ABTB3: variants seen among roughly 807,000 people sequenced by gnomAD.
ABTB3 encodes the protein ankyrin repeat and BTB domain containing 3.
the ABTB3 span, among the ~76,000 whole-genome samples, chr12:107,412,864 T>C: frequency 6.6e-6 from 1 of 152,092 alleles, no homozygotes; most frequent in Non-Finnish European, 1.5e-5. Flanking sequence ...ATCAGGATCA[T>C]GTGAAGGACC....
chr12:107,492,727 C>A, the ABTB3 span, among the ~76,000 whole-genome samples: 1 of 152,076 alleles, frequency 6.6e-6, no homozygotes, highest in South Asian at 2.1e-4. Flanking sequence ...GCCAAATCAA[C>A]CACATTTAAC....
chr12:107,585,024 A>G, the ABTB3 span, among the ~76,000 whole-genome samples: 1 of 152,032 alleles, frequency 6.6e-6, no homozygotes. Flanking sequence ...AGGGAAGAAA[A>G]GAGCAATTAA....
At chr12:107,503,772 AAAGAAG>A in the ABTB3 span, among the ~76,000 whole-genome samples, 7 of 148,188 alleles carry the variant, frequency 4.7e-5, no homozygotes, top group Non-Finnish European at 8.9e-5. Flanking sequence ...AAAAAAAAAA[AAAGAAG>A]AAGAAGAAGA....
chr12:107,339,881 A>C, the ABTB3 span, among the ~76,000 whole-genome samples: 2 of 152,172 alleles, frequency 1.3e-5, no homozygotes, highest in African/African-American at 4.8e-5. Context: ...ATCCCATGTC[A>C]CACTCAAACA....
chr12:107,421,374 C>G, the ABTB3 span, among the ~76,000 whole-genome samples: 1 of 152,170 alleles, frequency 6.6e-6, no homozygotes, highest in Non-Finnish European at 1.5e-5. Context: ...TGGGACCTTC[C>G]ACAGCTGAGA....
At chr12:107,421,911 G>T in the ABTB3 span, among the ~76,000 whole-genome samples, 1 of 152,174 alleles carries the variant, frequency 6.6e-6, no homozygotes, top group Non-Finnish European at 1.5e-5. Context: ...CCTATGGTGT[G>T]CCCGGCACTC....
At chr12:107,390,289 A>G in the ABTB3 span, among the ~76,000 whole-genome samples, 1 of 152,216 alleles carries the variant, frequency 6.6e-6, no homozygotes, top group African/African-American at 2.4e-5. Flanking sequence ...CCTAGGAGGT[A>G]GATATTATTA....
chr12:107,540,486 C>T, the ABTB3 span, among the ~76,000 whole-genome samples: 9 of 152,196 alleles, frequency 5.9e-5, no homozygotes, highest in Admixed American at 2.6e-4. Flanking sequence ...AATGCATTAC[C>T]GGCTATCTAG....
the ABTB3 span, among the ~76,000 whole-genome samples, chr12:107,381,204 A>C: frequency 6.6e-6 from 1 of 152,162 alleles, no homozygotes; most frequent in Non-Finnish European, 1.5e-5. Context: ...ATAGGTCTGC[A>C]TAGGTGGAGA....
At chr12:107,591,373 G>A in the ABTB3 span, among the ~76,000 whole-genome samples, 16,421 of 152,242 alleles carry the variant, frequency 0.11, 1,024 homozygotes, top group African/African-American at 0.15. Context: ...CATGGCTGGG[G>A]AAGCCTCAGG....
At chr12:107,486,039 T>C in the ABTB3 span, among the ~76,000 whole-genome samples, 1 of 152,168 alleles carries the variant, frequency 6.6e-6, no homozygotes, top group Non-Finnish European at 1.5e-5. Flanking sequence ...GACCTTATTA[T>C]TTGGTGCTGT....
At chr12:107,532,651 C>T in the ABTB3 span, among the ~76,000 whole-genome samples, 4 of 152,198 alleles carry the variant, frequency 2.6e-5, no homozygotes, top group Admixed American at 2.0e-4. Flanking sequence ...ATATAGGTGA[C>T]ATTCAGATAA....
chr12:107,443,315 C>A, the ABTB3 span, among the ~76,000 whole-genome samples: 4 of 151,582 alleles, frequency 2.6e-5, no homozygotes, highest in Admixed American at 6.6e-5. Flanking sequence ...CGGCTGTAAT[C>A]CCAGCACTTT....
the ABTB3 span, chr12:107,580,839 G>C: frequency 1.9e-6 from 3 of 1,539,716 alleles, no homozygotes; most frequent in African/African-American, 1.4e-5. Context: ...CATGATCGCC[G>C]AGAGGGATAA....
At chr12:107,417,141 G>A in the ABTB3 span, among the ~76,000 whole-genome samples, 1 of 152,216 alleles carries the variant, frequency 6.6e-6, no homozygotes, top group Non-Finnish European at 1.5e-5. Flanking sequence ...GTGTTGAAAG[G>A]AGGTTTCCTC....
At chr12:107,465,683 C>T in the ABTB3 span, among the ~76,000 whole-genome samples, 2 of 152,232 alleles carry the variant, frequency 1.3e-5, no homozygotes, top group East Asian at 1.9e-4. Context: ...ATCACTAGGC[C>T]GCTGGGTTGT....
chr12:107,468,067 G>T, the ABTB3 span, among the ~76,000 whole-genome samples: 5 of 152,132 alleles, frequency 3.3e-5, no homozygotes, highest in African/African-American at 4.8e-5. Flanking sequence ...TGCATCCATG[G>T]TTTTCACAAC....
the ABTB3 span, among the ~76,000 whole-genome samples, chr12:107,448,831 A>G: frequency 1.3e-5 from 2 of 151,942 alleles, no homozygotes; most frequent in African/African-American, 4.8e-5. Flanking sequence ...TCGTCCTCCC[A>G]AAGTGCTGGG....
At chr12:107,618,099 G>A in the ABTB3 span, 1 of 1,545,180 alleles carries the variant, frequency 6.5e-7, no homozygotes, top group Non-Finnish European at 8.8e-7. Flanking sequence ...CCCCTGCCCT[G>A]CCCCAGCAGA....
Sources: gnomAD v4.1 joint callset for allele counts (sites outside exome capture counted in the v4.1 genomes callset) on GRCh38, gnomAD v4.1.1 for gene constraint, MANE v1.5 for transcripts, NCBI Gene and HGNC (gene_info 2026-07-23, HGNC 2026-07-21) for gene names.